The following RARB variants were observed in gnomAD, a reference collection of about 807,000 sequenced individuals.
RARB encodes the protein retinoic acid receptor beta.
RARB carries 17 observed loss-of-function variants against 51.9 expected under a neutral mutation model. The ratio of observed to expected loss-of-function variants is 0.33; its 90% confidence interval spans 0.22 to 0.49. The LOEUF is 0.49. Among genes scored for constraint, RARB ranks in the 20% least tolerant of loss-of-function variants. The pLI, the probability that RARB is intolerant of heterozygous loss-of-function variation, is 0.99. For synonymous variants in RARB, 215 were observed against 195.4 expected, an observed-to-expected ratio of 1.10 and a Z score of -0.84; for missense variants, 369 against 550.8, an observed-to-expected ratio of 0.67 and a Z score of 3.30.
At chr3:25,460,252 A>G (rs1427769751) in intron 1 of RARB, among the ~76,000 whole-genome samples, 1 of 152,012 alleles carries the variant, frequency 6.6e-6, no homozygotes, top group East Asian at 1.9e-4. Flanking sequence ...ATAAGATCTT[A>G]AGTGATGCCG....
At chr3:24,993,852 C>A (rs898401437) in intron 2 of RARB, among the ~76,000 whole-genome samples, 2 of 152,156 alleles carry the variant, frequency 1.3e-5, no homozygotes, top group Non-Finnish European at 2.9e-5. Flanking sequence ...CTCTTTATGG[C>A]TGAATAGTAT....
intron 5 of RARB, among the ~76,000 whole-genome samples, chr3:25,588,712 T>C (rs1479561103): frequency 6.6e-6 from 1 of 152,160 alleles, no homozygotes; most frequent in East Asian, 1.9e-4. Flanking sequence ...GCTCTCCGCC[T>C]CCACAATCGC....
intron 3 of RARB, among the ~76,000 whole-genome samples, chr3:25,060,909 G>A (rs979098252): frequency 2.0e-5 from 3 of 151,746 alleles, no homozygotes; most frequent in African/African-American, 4.8e-5. Context: ...TTTGGGATGG[G>A]GTAAAAGCAG....
intron 2 of RARB, among the ~76,000 whole-genome samples, chr3:24,908,119 A>C (rs1694907079): frequency 6.6e-6 from 1 of 152,146 alleles, no homozygotes; most frequent in Middle Eastern, 3.2e-3. Context: ...ATATCTGTAT[A>C]GTAGTACAGC....
chr3:25,501,642 A>C (rs1288409331), intron 3 of RARB, among the ~76,000 whole-genome samples: 1 of 152,168 alleles, frequency 6.6e-6, no homozygotes, highest in Non-Finnish European at 1.5e-5. Flanking sequence ...CATTTCCCCT[A>C]TCTTGACAAT....
chr3:25,480,540 A>G lies in RARB; in HGVS notation c.306+19199A>G, dbSNP rs573002109. 3.3e-5 allele frequency among the ~76,000 whole-genome samples: 5 copies of G among 152,312 alleles called. 1 individual carries two copies. Among genetic ancestry groups the G allele is most frequent in the African/African-American group, 1.2e-4 (5 of 41,556 alleles). On this transcript the variant is annotated intron_variant, in intron 2 of 7. Transcript: ENST00000330688. ...CATCTTTAACATTATCTGATTCACTAGTCCTTGAAAGTATGGCAAGGATGC... is the reference window on the plus strand; with the variant it reads ...CATCTTTAACATTATCTGATTCACTGGTCCTTGAAAGTATGGCAAGGATGC...
At chr3:25,513,898 TG>T (rs1292824933) in intron 3 of RARB, among the ~76,000 whole-genome samples, 2 of 152,180 alleles carry the variant, frequency 1.3e-5, no homozygotes, top group African/African-American at 4.8e-5. Flanking sequence ...CTGGAAATAT[TG>T]TATGTTTTCA....
chr3:25,309,291 T>C (rs1704228663), intron 5 of RARB, among the ~76,000 whole-genome samples: 1 of 149,088 alleles, frequency 6.7e-6, no homozygotes, highest in Admixed American at 6.7e-5. Flanking sequence ...CCCGCCATCA[T>C]GCCTGGCTAA....
chr3:24,834,379 T>C (rs1015295912), intron 1 of RARB, among the ~76,000 whole-genome samples: 1 of 152,218 alleles, frequency 6.6e-6, no homozygotes, highest in Non-Finnish European at 1.5e-5. Context: ...ATAAAAAACC[T>C]AGAAATACAT....
intron 5 of RARB, among the ~76,000 whole-genome samples, chr3:25,255,471 A>G (rs1332602450): frequency 6.6e-6 from 1 of 152,122 alleles, no homozygotes; most frequent in Non-Finnish European, 1.5e-5. Context: ...ACAATTACAA[A>G]TTCAGAAAAC....
intron 1 of RARB, among the ~76,000 whole-genome samples, chr3:25,453,928 T>G (rs2125545389): frequency 6.6e-6 from 1 of 152,194 alleles, no homozygotes; most frequent in African/African-American, 2.4e-5. Flanking sequence ...AGCAGCAGAG[T>G]AAGGCAAGAT....
At chr3:25,017,114 T>C (rs967349449) in intron 2 of RARB, among the ~76,000 whole-genome samples, 1 of 152,072 alleles carries the variant, frequency 6.6e-6, no homozygotes, top group East Asian at 1.9e-4. Flanking sequence ...CAGAAGAGTA[T>C]ATGGGATGGG....
intron 5 of RARB, among the ~76,000 whole-genome samples, chr3:25,185,523 G>A (rs980361104): frequency 3.3e-5 from 5 of 152,028 alleles, no homozygotes; most frequent in Non-Finnish European, 5.9e-5. Context: ...AGTACCTAAG[G>A]AGAAAAATTA....
intron 5 of RARB, among the ~76,000 whole-genome samples, chr3:25,365,199 C>CT (rs3035063): frequency 0.01 from 776 of 75,246 alleles, 13 homozygotes; most frequent in Non-Finnish European, 0.014. Context: ...TTCTTTCTTT[C>CT]TTTTTTTTTT....
chr3:25,127,945 A>G (rs1035764015), intron 3 of RARB, among the ~76,000 whole-genome samples: 3 of 152,278 alleles, frequency 2.0e-5, no homozygotes, highest in East Asian at 1.9e-4. Context: ...GTACATGTAC[A>G]TAAGGATGAC....
chr3:25,160,580 T>C (rs1700458334), intron 4 of RARB, among the ~76,000 whole-genome samples: 1 of 152,168 alleles, frequency 6.6e-6, no homozygotes, highest in African/African-American at 2.4e-5. Context: ...AAATAATTGG[T>C]CAGTATTTGT....
intron 5 of RARB, among the ~76,000 whole-genome samples, chr3:25,353,267 T>A (rs1008074255): frequency 6.6e-5 from 10 of 152,172 alleles, no homozygotes; most frequent in African/African-American, 2.2e-4. Flanking sequence ...CTCACAGTAC[T>A]GTAGTGGCAC....
At position 25,091,645 on chromosome 3, in the gene RARB, G is replaced by T. The variant is rs191846867; in HGVS notation, c.-328+31469G>T. Among the ~76,000 whole-genome samples the T allele has an allele frequency of 2.0e-3, 309 of 152,200 alleles. 2 individuals carry two copies. Among genetic ancestry groups the T allele is most frequent in the Non-Finnish European group, 3.7e-3 (253 of 68,006 alleles). On this transcript the variant is annotated intron_variant, in intron 3 of 11. Coordinates refer to the RARB transcript ENST00000383772. ...TAAATGCATGCAGCTAAGTATGACT[G>T]GAATATTTGTGGAGTGGGCATTAAA... is the stretch of plus-strand genomic sequence containing the variant.
intron 2 of RARB, among the ~76,000 whole-genome samples, chr3:25,012,784 T>C (rs1015704975): frequency 6.6e-6 from 1 of 152,048 alleles, no homozygotes; most frequent in African/African-American, 2.4e-5. Context: ...GCACATAAAA[T>C]GAAATAATTT....
Sources: allele counts gnomAD v4.1 joint callset (sites outside exome capture counted in the v4.1 genomes callset), GRCh38; gene constraint gnomAD v4.1.1; transcripts MANE v1.5; gene names NCBI Gene and HGNC (gene_info 2026-07-23, HGNC 2026-07-21).